Variants in ZRANB1 observed in about 807,000 individuals in gnomAD.
ZRANB1 encodes the protein zinc finger RANBP2-type containing 1.
ZRANB1 carries 16 observed loss-of-function variants against 80.5 expected under a neutral mutation model. The observed-to-expected ratio is 0.20, with a 90% CI of 0.13 to 0.30. ZRANB1 has a LOEUF of 0.30. Among genes scored for constraint, ZRANB1 ranks in the 10% least tolerant of loss-of-function variants. ZRANB1 has a pLI of 1.00. For synonymous variants in ZRANB1, 291 were observed against 293.1 expected (o/e 0.99, Z 0.07); for missense variants, 576 against 862.6 (o/e 0.67, Z 4.16).
intron 1 of ZRANB1, among the ~76,000 whole-genome samples, chr10:124,949,425 A>ATATATATATGTTTACACACATATGTG (rs1951613564): frequency 7.1e-6 from 1 of 140,560 alleles, no homozygotes; most frequent in African/African-American, 2.6e-5. Context: ...ATATATATGT[A>ATATATATATGTTTACACACATATGTG]TATATATATG....
chr10:124,960,454 CAG>C (rs1434323944), intron 1 of ZRANB1, among the ~76,000 whole-genome samples: 1 of 152,160 alleles, frequency 6.6e-6, no homozygotes, highest in Non-Finnish European at 1.5e-5. Context: ...TAAACAGAGA[CAG>C]GGTCTCACTC....
chr10:124,926,821 T>C, the ZRANB1 span, among the ~76,000 whole-genome samples: 1 of 152,230 alleles, frequency 6.6e-6, no homozygotes, highest in Non-Finnish European at 1.5e-5. Context: ...ATGAATGTAT[T>C]GTGCCATGAC....
At chr10:124,980,603 C>T (rs945402459) in intron 5 of ZRANB1, among the ~76,000 whole-genome samples, 1 of 152,166 alleles carries the variant, frequency 6.6e-6, no homozygotes, top group African/African-American at 2.4e-5. Flanking sequence ...AATTTTAAAA[C>T]ATTTGGAATT....
At chr10:124,923,713 GGAGA>G in the ZRANB1 span, among the ~76,000 whole-genome samples, 1 of 152,012 alleles carries the variant, frequency 6.6e-6, no homozygotes, top group East Asian at 1.9e-4. Flanking sequence ...TCACAAGGCA[GGAGA>G]GAGAGAGTGA....
intron 1 of ZRANB1, among the ~76,000 whole-genome samples, chr10:124,946,843 TC>T (rs1589840737): frequency 2.0e-5 from 3 of 152,330 alleles, no homozygotes; most frequent in East Asian, 3.9e-4. Flanking sequence ...AATCTTTACG[TC>T]CCTTTTCTGC....
intron 1 of ZRANB1, among the ~76,000 whole-genome samples, chr10:124,947,193 A>G (rs934995577): frequency 1.3e-5 from 2 of 152,174 alleles, no homozygotes; most frequent in Non-Finnish European, 2.9e-5. Flanking sequence ...AAAACCTGAT[A>G]TCAGTAGTAG....
intron 1 of ZRANB1, among the ~76,000 whole-genome samples, chr10:124,965,890 T>C (rs927093652): frequency 2.0e-5 from 3 of 152,208 alleles, no homozygotes; most frequent in African/African-American, 7.2e-5. Flanking sequence ...ATGTTCTTTA[T>C]AGATTTGGCA....
chr10:124,971,293 G>T (rs1331441261), intron 2 of ZRANB1, among the ~76,000 whole-genome samples: 1 of 152,206 alleles, frequency 6.6e-6, no homozygotes, highest in Non-Finnish European at 1.5e-5. Flanking sequence ...AATAACAAAA[G>T]AAAGTTCTAG....
At position 124,973,770 on chromosome 10, in the gene ZRANB1, TG is replaced by T. The variant is rs1403590022; in HGVS notation, c.1228+55del. 13 of 1,525,090 alleles carry T rather than the reference TG, an allele frequency of 8.5e-6. No individual in the cohort carries two copies. In the African/African-American group the frequency reaches 1.5e-4, roughly 18 times the overall value. 94.5% of individuals were successfully genotyped at this position (1,525,090 alleles called of 1,614,324 possible). On this transcript the variant is annotated intron_variant, in intron 4 of 8. Transcript: ENST00000359653. ...ACCTTTCATCTGATCAAGTAAGTTT[TG>T]TTTAGTAAGGCATGGTGTAGTTTGG... is the stretch of plus-strand genomic sequence containing the variant.
In ZRANB1 at chr10:124,963,257, C is replaced by T. The variant is rs187492804; in HGVS notation, c.815-3337C>T. Among the ~76,000 whole-genome samples, 1,003 of 116,994 alleles carry T rather than the reference C, an allele frequency of 8.6e-3. 13 individuals are homozygous for T. Among genetic ancestry groups the T allele is most frequent in the African/African-American group, 0.034 (970 of 28,522 alleles). 76.8% of individuals were successfully genotyped at this position (116,994 alleles called of 152,430 possible). ...TTCCAGCCTGGGTGACAGAGCAAGA[C>T]TCTGTCTCAAAAAAAAAAAAAAAAA... On this transcript the variant is annotated intron_variant, in intron 1 of 8. Coordinates refer to ENST00000359653, the MANE Select transcript of ZRANB1 (RefSeq NM_017580.3).
At chr10:124,931,847 A>G in the ZRANB1 span, among the ~76,000 whole-genome samples, 20 of 152,326 alleles carry the variant, frequency 1.3e-4, no homozygotes, top group East Asian at 3.3e-3. Context: ...CACCCAAAGT[A>G]CATAATTTAC....
At chr10:124,963,550 G>T (rs202086009) in intron 1 of ZRANB1, among the ~76,000 whole-genome samples, 10,021 of 72,312 alleles carry the variant, frequency 0.14, 193 homozygotes, top group Admixed American at 0.19. Context: ...TTTTTTTTTT[G>T]TTTGTTTTTT....
At chr10:124,980,022 C>T (rs1359268747) in intron 5 of ZRANB1, among the ~76,000 whole-genome samples, 1 of 152,164 alleles carries the variant, frequency 6.6e-6, no homozygotes, top group Non-Finnish European at 1.5e-5. Flanking sequence ...CTTTGGATTT[C>T]CATATACATT....
At chr10:124,917,146 G>C in the ZRANB1 span, 1 of 167,858 alleles carries the variant, frequency 6.0e-6, no homozygotes, top group East Asian at 1.7e-4. Flanking sequence ...GGCCGGGCTC[G>C]ACTCGTAGCC....
Position 124,983,401 on chromosome 10 carries a change from G to A in ZRANB1, c.1679-58G>A. 3.1e-6 allele frequency: 5 copies of A among 1,591,162 alleles called. No homozygotes were observed. Among genetic ancestry groups the A allele is most frequent in the Non-Finnish European group, 8.6e-7 (1 of 1,165,478 alleles). ...GGACAGGGGAATGTGAACAAGGGCA[G>A]TGAGGGAGTGGCTCTTTCTTCCTGT... is the stretch of plus-strand genomic sequence containing the variant. On this transcript the variant is annotated intron_variant, in intron 7 of 8. Coordinates refer to ENST00000359653, the MANE Select transcript of ZRANB1 (RefSeq NM_017580.3). This position sits in a 1 kb window ranked among gnomAD's most constrained non-coding sequence, Gnocchi z 6.2.
intron 1 of ZRANB1, among the ~76,000 whole-genome samples, chr10:124,950,776 C>CT (rs1951632665): frequency 6.6e-6 from 1 of 152,046 alleles, no homozygotes; most frequent in Non-Finnish European, 1.5e-5. Context: ...GCCTAGGACT[C>CT]TAAAACCAAC....
the ZRANB1 span, among the ~76,000 whole-genome samples, chr10:124,933,277 C>T: frequency 6.6e-6 from 1 of 151,686 alleles, no homozygotes; most frequent in Admixed American, 6.6e-5. Flanking sequence ...GCTGGGGTTA[C>T]AGGTGCGCGC....
intron 5 of ZRANB1, among the ~76,000 whole-genome samples, chr10:124,980,810 A>G (rs993326392): frequency 4.6e-5 from 7 of 151,968 alleles, no homozygotes; most frequent in African/African-American, 7.3e-5. Context: ...GGGTCTCACT[A>G]TGTTGGCCAG....
chr10:124,924,726 G>A, the ZRANB1 span, among the ~76,000 whole-genome samples: 6 of 152,158 alleles, frequency 3.9e-5, no homozygotes, highest in Non-Finnish European at 7.4e-5. Flanking sequence ...TGGGCATTTG[G>A]ATTTTTTCCA....
Sources: allele counts gnomAD v4.1 joint callset (sites outside exome capture counted in the v4.1 genomes callset), GRCh38; gene constraint gnomAD v4.1.1; non-coding constraint Gnocchi (gnomAD v3.1); transcripts MANE v1.5; gene names NCBI Gene and HGNC (gene_info 2026-07-23, HGNC 2026-07-21).